Variants in DTNA observed in about 807,000 individuals in gnomAD.
DTNA encodes the protein dystrophin-related protein 3.
DTNA carries 43 observed loss-of-function variants against 100.7 expected under a neutral mutation model. The ratio of observed to expected loss-of-function variants is 0.43; its 90% CI spans 0.33 to 0.55. DTNA has a LOEUF of 0.55. Among genes scored for constraint, DTNA ranks in the 20% least tolerant of loss-of-function variants. The probability of loss-of-function intolerance (pLI) is 0.04; values close to 1 mark genes in which losing one functional copy is unlikely to be tolerated. For synonymous variants in DTNA, 349 were observed against 347.9 expected (o/e 1.00, Z -0.04); for missense variants, 798 against 953.9 (o/e 0.84, Z 2.15).
intron 1 of DTNA, chr18:34,493,924 C>CGCGGCGCCTCCCCGGGCGGCGG (rs1476521540): frequency 6.7e-6 from 1 of 148,242 alleles, no homozygotes; most frequent in Non-Finnish European, 1.5e-5. Context: ...AGGACTGCGG[C>CGCGGCGCCTCCCCGGGCGGCGG]GCGGCGCCTC....
intron 1 of DTNA, among the ~76,000 whole-genome samples, chr18:34,506,908 G>A (rs1158206665): frequency 6.6e-6 from 1 of 152,160 alleles, no homozygotes; most frequent in Non-Finnish European, 1.5e-5. Context: ...AGAAGCAAAA[G>A]CCCAATCTAT....
intron 1 of DTNA, among the ~76,000 whole-genome samples, chr18:34,533,908 G>A (rs753796949): frequency 6.6e-6 from 1 of 152,098 alleles, no homozygotes; most frequent in Non-Finnish European, 1.5e-5. Context: ...AGACGTTTTT[G>A]TTTGGATCCT....
At chr18:34,783,410 T>G (rs990011572) in intron 3 of DTNA, among the ~76,000 whole-genome samples, 1 of 152,242 alleles carries the variant, frequency 6.6e-6, no homozygotes. Flanking sequence ...TGTAGACCTT[T>G]TCATGAAGGT....
At chr18:34,801,340 G>A (rs1441688008) in intron 4 of DTNA, among the ~76,000 whole-genome samples, 1 of 151,994 alleles carries the variant, frequency 6.6e-6, no homozygotes, top group East Asian at 1.9e-4. Flanking sequence ...AGTAAAGTTT[G>A]TATAGGCAAA....
chr18:34,737,089 A>T (rs1391398257), intron 1 of DTNA, among the ~76,000 whole-genome samples: 1 of 152,188 alleles, frequency 6.6e-6, no homozygotes, highest in Non-Finnish European at 1.5e-5. Flanking sequence ...TATTCTAAGG[A>T]TATTTGGATT....
intron 2 of DTNA, among the ~76,000 whole-genome samples, chr18:34,762,406 T>C (rs943177843): frequency 3.3e-5 from 5 of 152,078 alleles, no homozygotes; most frequent in Non-Finnish European, 7.4e-5. Context: ...GAGGAAGGCG[T>C]CTAGTAGTAT....
chr18:34,582,283 A>G (rs899121120), intron 1 of DTNA, among the ~76,000 whole-genome samples: 7 of 151,962 alleles, frequency 4.6e-5, no homozygotes, highest in African/African-American at 1.7e-4. Context: ...CTCTTCAACT[A>G]CCCTTAAGTC....
intron 15 of DTNA, 126 bp downstream of exon 15, chr18:34,852,054 C>T: frequency 1.1e-6 from 1 of 917,624 alleles, no homozygotes; most frequent in Non-Finnish European, 1.7e-6. Flanking sequence ...CATCTACACT[C>T]AGTGATGCTC....
intron 1 of DTNA, among the ~76,000 whole-genome samples, chr18:34,633,552 G>A (rs2058325672): frequency 1.3e-5 from 2 of 152,110 alleles, no homozygotes; most frequent in Admixed American, 6.6e-5. Flanking sequence ...AAGCAGGCAG[G>A]TCGGGATGGC....
intron 1 of DTNA, among the ~76,000 whole-genome samples, chr18:34,605,011 G>GT (rs146975151): frequency 0.12 from 17,863 of 150,296 alleles, 1,120 homozygotes; most frequent in African/African-American, 0.15. Flanking sequence ...TTTGTCTTTT[G>GT]TTTTTTTTAA....
At chr18:34,666,807 C>T (rs2075997202) in intron 1 of DTNA, among the ~76,000 whole-genome samples, 2 of 152,106 alleles carry the variant, frequency 1.3e-5, no homozygotes, top group Non-Finnish European at 2.9e-5. Context: ...CAGTACCATG[C>T]TGTTTTGGTT....
At chr18:34,592,790 A>G (rs185251143) in intron 1 of DTNA, among the ~76,000 whole-genome samples, 2 of 152,168 alleles carry the variant, frequency 1.3e-5, no homozygotes, top group Non-Finnish European at 2.9e-5. Flanking sequence ...TCTCTTTCTT[A>G]CTACAGCCAT....
At chr18:34,750,266 T>C (rs1334841542) in intron 1 of DTNA, among the ~76,000 whole-genome samples, 1 of 152,332 alleles carries the variant, frequency 6.6e-6, no homozygotes, top group South Asian at 2.1e-4. Context: ...TGTGTTTCTA[T>C]GTGTCTGGTT....
intron 1 of DTNA, among the ~76,000 whole-genome samples, chr18:34,605,632 G>GGC (rs201409881): frequency 0.01 from 845 of 83,966 alleles, 6 homozygotes; most frequent in African/African-American, 0.041. Context: ...TTGCAACTCA[G>GGC]GCACACACAC....
chr18:34,563,379 C>T (rs535003695), intron 1 of DTNA, among the ~76,000 whole-genome samples: 1 of 152,232 alleles, frequency 6.6e-6, no homozygotes, highest in South Asian at 2.1e-4. Flanking sequence ...AGGAACCAAC[C>T]CTGCTGACAT....
At position 34,755,785 on chromosome 18, in the gene DTNA, A is replaced by G. The variant is rs2092726292; in HGVS notation, c.-1-191A>G. The stretch of plus-strand genomic sequence containing the variant: ...TATCCCCCCTCCAACAACTACAACA[A>G]TAATATATATGGAAAAATATGCGCA... On this transcript the variant is annotated intron_variant, in intron 1 of 22. Transcript: ENST00000444659. The G allele has an allele frequency of 2.8e-5, 16 of 577,612 alleles. No homozygotes were observed. The South Asian group carries it at 3.3e-4, about 12-fold the overall frequency. The allele number at this position is 577,612 out of a possible 1,614,324, so 35.8% of individuals were successfully genotyped here. A position where few individuals can be genotyped will look rare whatever the true frequency, so the allele number is the denominator to read the frequency against.
intron 16 of DTNA, among the ~76,000 whole-genome samples, chr18:34,861,182 C>G (rs1315358238): frequency 6.6e-6 from 1 of 151,954 alleles, no homozygotes; most frequent in Non-Finnish European, 1.5e-5. Context: ...TAACACTGTT[C>G]TAAAAGAAAG....
intron 13 of DTNA, among the ~76,000 whole-genome samples, chr18:34,844,659 TGAAAA>T (rs1200669481): frequency 1.3e-5 from 2 of 152,150 alleles, no homozygotes; most frequent in Non-Finnish European, 2.9e-5. Flanking sequence ...AGAAAAAATA[TGAAAA>T]GAAAATATAG....
chr18:34,571,160 A>G (rs1046221896), intron 1 of DTNA, among the ~76,000 whole-genome samples: 1 of 152,190 alleles, frequency 6.6e-6, no homozygotes, highest in African/African-American at 2.4e-5. Context: ...GTTCTTTCTG[A>G]TACATCAGCA....
Sources: gnomAD v4.1 joint callset for allele counts (sites outside exome capture counted in the v4.1 genomes callset) on GRCh38, gnomAD v4.1.1 for gene constraint, MANE v1.5 for transcripts, NCBI Gene and HGNC (gene_info 2026-07-23, HGNC 2026-07-21) for gene names.